The following MAF variants were observed in gnomAD, a reference collection of about 807,000 sequenced individuals.
MAF encodes the protein transcription factor Maf.
In MAF, 10 loss-of-function variants were observed where a neutral mutation model predicts 22.0. That is an observed-to-expected ratio of 0.45 (90% CI 0.28 to 0.77). The LOEUF is 0.77. Ranked by LOEUF, MAF falls within the 30% of genes least tolerant of loss-of-function variation. MAF has a pLI of 0.12. For missense variants in MAF, 544 were observed against 548.4 expected (o/e 0.99, Z 0.08); for synonymous variants, 337 against 255.8 (o/e 1.32, Z -3.03).
chr16:79,547,638 T>C, the MAF span, among the ~76,000 whole-genome samples: 1 of 152,232 alleles, frequency 6.6e-6, no homozygotes, highest in East Asian at 1.9e-4. Context: ...CTGGAATTGA[T>C]GTAACCCAAT....
the MAF span, among the ~76,000 whole-genome samples, chr16:79,333,956 C>G: frequency 1.3e-5 from 2 of 152,230 alleles, no homozygotes; most frequent in African/African-American, 2.4e-5. Context: ...GATATAACCA[C>G]GTGTGGAAAC....
At chr16:79,314,499 C>T in the MAF span, among the ~76,000 whole-genome samples, 2 of 152,150 alleles carry the variant, frequency 1.3e-5, no homozygotes, top group Admixed American at 6.5e-5. Context: ...GGTCAGCTTT[C>T]CCCAGGGAGG....
chr16:79,477,015 G>A, the MAF span, among the ~76,000 whole-genome samples: 1 of 152,140 alleles, frequency 6.6e-6, no homozygotes. Context: ...CAGGTGATGA[G>A]TCCCACCTCA....
chr16:79,238,804 T>C, the MAF span, among the ~76,000 whole-genome samples: 1 of 152,052 alleles, frequency 6.6e-6, no homozygotes, highest in African/African-American at 2.4e-5. Context: ...TCTGGTCACC[T>C]AGGCAGGCAG....
the MAF span, among the ~76,000 whole-genome samples, chr16:79,437,727 G>C: frequency 2.6e-5 from 4 of 152,052 alleles, no homozygotes; most frequent in African/African-American, 9.7e-5. Flanking sequence ...CGAGCTTCTC[G>C]GCCATGACAT....
At chr16:79,356,088 C>T in the MAF span, among the ~76,000 whole-genome samples, 9 of 152,142 alleles carry the variant, frequency 5.9e-5, no homozygotes, top group South Asian at 1.7e-3. Context: ...CTCTCACCTA[C>T]ACACCCACAC....
chr16:79,558,404 G>C, the MAF span, among the ~76,000 whole-genome samples: 3 of 152,144 alleles, frequency 2.0e-5, no homozygotes, highest in African/African-American at 7.2e-5. Flanking sequence ...CATATCCTTT[G>C]CTTTGGCTAA....
chr16:79,212,698 G>A, the MAF span: 1 of 148,406 alleles, frequency 6.7e-6, no homozygotes, highest in African/African-American at 2.4e-5. Context: ...TTCTTTAAAT[G>A]TTTGTTTCAG....
At chr16:79,450,625 T>C in the MAF span, among the ~76,000 whole-genome samples, 3 of 152,162 alleles carry the variant, frequency 2.0e-5, no homozygotes, top group Non-Finnish European at 2.9e-5. Context: ...TGCTGTTCTG[T>C]GAGAAAATGT....
the MAF span, among the ~76,000 whole-genome samples, chr16:79,245,777 A>G: frequency 6.6e-6 from 1 of 152,102 alleles, no homozygotes; most frequent in Non-Finnish European, 1.5e-5. Context: ...CTGCAGCTCT[A>G]TTCACAATAG....
chr16:79,413,484 C>G, the MAF span, among the ~76,000 whole-genome samples: 1 of 150,936 alleles, frequency 6.6e-6, no homozygotes, highest in Non-Finnish European at 1.5e-5. Flanking sequence ...CCACCCGCCT[C>G]GGCCTCCCAA....
At chr16:79,539,030 T>G in the MAF span, among the ~76,000 whole-genome samples, 9 of 151,722 alleles carry the variant, frequency 5.9e-5, no homozygotes, top group Non-Finnish European at 1.2e-4. Flanking sequence ...TACAGAAAAA[T>G]GTTCAAGAGT....
chr16:79,480,639 G>C, the MAF span, among the ~76,000 whole-genome samples: 1 of 152,278 alleles, frequency 6.6e-6, no homozygotes, highest in East Asian at 1.9e-4. Flanking sequence ...TTGGGGAGAG[G>C]TATCTCTATC....
the MAF span, among the ~76,000 whole-genome samples, chr16:79,463,971 C>CA: frequency 0.69 from 100,796 of 145,598 alleles, 36,588 homozygotes; most frequent in Middle Eastern, 0.82. Context: ...CTGAGGCTTG[C>CA]AAAAAAAAAA....
At chr16:79,281,674 C>G in the MAF span, among the ~76,000 whole-genome samples, 138,462 of 151,668 alleles carry the variant, frequency 0.91, 63,283 homozygotes, top group East Asian at 1. Flanking sequence ...TCAGCCTCCT[C>G]AGTAGCTGGG....
downstream of MAF, among the ~76,000 whole-genome samples, chr16:79,593,035 T>C (rs77622517): frequency 3.6e-3 from 552 of 152,322 alleles, 2 homozygotes; most frequent in African/African-American, 0.012. Flanking sequence ...TCCTGTATTT[T>C]AGTCTTCCAA....
chr16:79,551,271 A>T, the MAF span, among the ~76,000 whole-genome samples: 1 of 152,144 alleles, frequency 6.6e-6, no homozygotes, highest in Admixed American at 6.5e-5. Context: ...GCTCCTCTCC[A>T]TCAGAAAGCC....
chr16:79,567,133 C>T, the MAF span, among the ~76,000 whole-genome samples: 3 of 152,198 alleles, frequency 2.0e-5, no homozygotes, highest in Non-Finnish European at 2.9e-5. Context: ...GCCTGGCCAA[C>T]ATGGCGAAAC....
At chr16:79,229,139 C>T in the MAF span, among the ~76,000 whole-genome samples, 1 of 19,402 alleles carries the variant, frequency 5.2e-5, no homozygotes, top group Non-Finnish European at 2.7e-4. Flanking sequence ...AAACATAGAC[C>T]CCCCCCAACA....
Sources: allele counts gnomAD v4.1 joint callset (sites outside exome capture counted in the v4.1 genomes callset), GRCh38; gene constraint gnomAD v4.1.1; transcripts MANE v1.5; gene names NCBI Gene and HGNC (gene_info 2026-07-23, HGNC 2026-07-21).